The following BCL11B variants were observed in gnomAD, a reference collection of about 807,000 sequenced individuals.
BCL11B encodes the protein BCL11 transcription factor B.
A neutral mutation model predicts 49.9 loss-of-function variants in BCL11B; 8 were observed. The observed-to-expected ratio is 0.16, with a 90% CI of 0.09 to 0.29. BCL11B has a LOEUF of 0.29. Ranked by LOEUF, BCL11B falls within the 10% of genes least tolerant of loss-of-function variation. BCL11B has a pLI of 1.00. For missense variants in BCL11B, 1,006 were observed against 1,351.0 expected, an observed-to-expected ratio of 0.74 and a Z score of 4.00; for synonymous variants, 739 against 637.4, an observed-to-expected ratio of 1.16 and a Z score of -2.40.
Position 99,169,678 on chromosome 14 carries a change from C to T in BCL11B, c.*4473G>A, listed in dbSNP as rs1008787351. 9.1e-6 allele frequency: 2 copies of T among 218,592 alleles called. No homozygotes were observed. The highest frequency in any genetic ancestry group is 1.8e-5 in the Non-Finnish European group (2 of 108,606). 13.5% of individuals were successfully genotyped at this position (218,592 alleles called of 1,614,324 possible). On this transcript the variant is annotated 3_prime_UTR_variant, in exon 4 of 4. Coordinates refer to ENST00000357195, the MANE Select transcript of BCL11B (RefSeq NM_138576.4). ...TTTGCCTTGCCAGTACAAATGCAAA[C>T]AACTTAAATCAATGGGACTTTGCTT...
chr14:99,264,619 AAG>A (rs899395631), intron 1 of BCL11B: 1 of 152,152 alleles, frequency 6.6e-6, no homozygotes, highest in African/African-American at 2.4e-5. Flanking sequence ...CCACAAGAAA[AAG>A]AAAAAAGAAT....
Position 99,175,219 on chromosome 14 carries a change from C to CTCCTCCTCCTCCTCG in BCL11B, c.1602_1616dup (p.Asp534_Glu538dup). ...TCTCCAGTAGCAGCTCCTCCTCCTCCTCCTCCTCCTCCTCGTCCTCCTCCT... is the reference window on the plus strand; with the variant it reads ...TCTCCAGTAGCAGCTCCTCCTCCTCCTCCTCCTCCTCCTCGTCCTCCTCCTCCTCGTCCTCCTCCT... On this transcript the variant is annotated inframe_insertion, in exon 4 of 4. Transcript: ENST00000357195. The CTCCTCCTCCTCCTCG allele has an allele frequency of 6.4e-7, 1 of 1,550,788 alleles. No individual in the cohort carries two copies. The highest frequency in any genetic ancestry group is 8.7e-7 in the Non-Finnish European group (1 of 1,150,422).
chr14:99,247,017 G>A lies in BCL11B; in HGVS notation c.427+10454C>T, dbSNP rs1190771549. The stretch of plus-strand genomic sequence containing the variant: ...GCCCCAGAGGGCTCCGCAGCCTGGA[G>A]CCTCGCGTCCCGCCTCCCCGCAACA... On this transcript the variant is annotated intron_variant, in intron 2 of 3. Transcript: ENST00000357195. This position sits in a 1 kb window ranked among gnomAD's most constrained non-coding sequence, Gnocchi z 4.5. Among the ~76,000 whole-genome samples the A allele has an allele frequency of 1.3e-5, 2 of 152,166 alleles. No individual in the cohort carries two copies. Among genetic ancestry groups the A allele is most frequent in the Non-Finnish European group, 2.9e-5 (2 of 68,042 alleles).
At chr14:99,191,954 A>T (rs1350810261) in intron 3 of BCL11B, among the ~76,000 whole-genome samples, 1 of 152,076 alleles carries the variant, frequency 6.6e-6, no homozygotes, top group Non-Finnish European at 1.5e-5. Flanking sequence ...TGACGGGGGG[A>T]GGAGGATGAC....
rs902083333 is a variant in BCL11B at position 99,192,642 on chromosome 14, C to A, written c.641-16447G>T. The stretch of plus-strand genomic sequence containing the variant: ...GGGAAGGGACATGGCAACTTGGGAA[C>A]CACACTGGGGCTGGGGCTGTGGGCC... On this transcript the variant is annotated intron_variant, in intron 3 of 3. Coordinates refer to ENST00000357195, the MANE Select transcript of BCL11B (RefSeq NM_138576.4). This position sits in a 1 kb window ranked among gnomAD's most constrained non-coding sequence, Gnocchi z 4.0. Among the ~76,000 whole-genome samples, 1 of 152,128 alleles carries A rather than the reference C, an allele frequency of 6.6e-6. No individual in the cohort carries two copies. Among genetic ancestry groups the A allele is most frequent in the African/African-American group, 2.4e-5 (1 of 41,414 alleles).
intron 3 of BCL11B, among the ~76,000 whole-genome samples, chr14:99,191,079 G>T (rs554666048): frequency 2.4e-3 from 369 of 152,260 alleles, no homozygotes; most frequent in Non-Finnish European, 3.7e-3. Flanking sequence ...TATTCCCCCA[G>T]GCCTTTTCCA....
At chr14:99,244,626 T>C (rs1401120729) in intron 2 of BCL11B, among the ~76,000 whole-genome samples, 2 of 152,240 alleles carry the variant, frequency 1.3e-5, no homozygotes, top group African/African-American at 2.4e-5. Flanking sequence ...AAAACCTTCC[T>C]GTCCAGGACT....
Position 99,240,379 on chromosome 14 carries a change from AT to A in BCL11B, c.428-8823del, listed in dbSNP as rs201000092. Among the ~76,000 whole-genome samples, 938 of 151,926 alleles carry A rather than the reference AT, an allele frequency of 6.2e-3. 7 individuals are homozygous for A. The highest frequency in any genetic ancestry group is 0.021 in the African/African-American group (866 of 41,432). ...TGACTAAATCTCTTTTCTCCCTTTC[AT>A]TTTTTTTCCTTTTCCTAATGGACTT... On this transcript the variant is annotated intron_variant, in intron 2 of 3. Coordinates refer to ENST00000357195, the MANE Select transcript of BCL11B (RefSeq NM_138576.4).
At chr14:99,223,934 A>G (rs763313284) in intron 3 of BCL11B, among the ~76,000 whole-genome samples, 14 of 152,176 alleles carry the variant, frequency 9.2e-5, no homozygotes, top group Non-Finnish European at 1.9e-4. Flanking sequence ...TTTTTCAAAC[A>G]GAGAAAGGCG....
intron 2 of BCL11B, among the ~76,000 whole-genome samples, chr14:99,256,146 A>C (rs937905598): frequency 6.6e-6 from 1 of 152,224 alleles, no homozygotes; most frequent in African/African-American, 2.4e-5. Flanking sequence ...GGTCTTGATC[A>C]GTGCCCATGC....
At chr14:99,245,952 G>C (rs931060322) in intron 2 of BCL11B, among the ~76,000 whole-genome samples, 1 of 152,090 alleles carries the variant, frequency 6.6e-6, no homozygotes, top group Non-Finnish European at 1.5e-5. Flanking sequence ...GACGGGGGCG[G>C]GGGGGAAAGG....
chr14:99,176,083 C>T lies in BCL11B; in HGVS notation c.753G>A (p.Glu251=). 6.2e-7 allele frequency: 1 copy of T among 1,608,078 alleles called. No individual in the cohort carries two copies. The highest frequency in any genetic ancestry group is 8.5e-7 in the Non-Finnish European group (1 of 1,177,202). Residue 251 remains glutamate, a synonymous_variant, in exon 4 of 4, where the codon GAG becomes GAA. Coordinates refer to ENST00000357195, the MANE Select transcript of BCL11B (RefSeq NM_138576.4). ...TGAGCGAGCTGCTGGCCGGCCCGGG[C>T]TCCAGGTAGATGCGGAAGCCGTGCG... The part of the protein sequence containing the change: ...QNTHGFRIYL[E]PGPASSSLTP...
chr14:99,238,978 T>TATATAC (rs1888586448), intron 2 of BCL11B, among the ~76,000 whole-genome samples: 1 of 151,910 alleles, frequency 6.6e-6, no homozygotes, highest in African/African-American at 2.4e-5. Context: ...AGAGAGGTTC[T>TATATAC]ATATACATAT....
Position 99,175,943 on chromosome 14 carries a change from A to G in BCL11B, c.893T>C (p.Ile298Thr), listed in dbSNP as rs757900063. Residue 298 changes from isoleucine (I) to threonine (T), a missense_variant, in exon 4 of 4, where the codon ATC becomes ACC. Ile to Thr is a moderately conservative substitution (Grantham distance 89). Transcript: ENST00000357195. ...GCCGAAGCCCGGGTGGTCCCGCAGG[A>G]TGGGGCCCGTCATGCGCAGCAGGTT... ...PFNLLRMTGP[I>T]LRDHPGFGEG... 9 of 1,453,334 alleles carry G rather than the reference A, an allele frequency of 6.2e-6. No homozygotes were observed. The highest frequency in any genetic ancestry group is 8.2e-6 in the Non-Finnish European group (9 of 1,103,818). The allele number at this position is 1,453,334 out of a possible 1,614,324, so 90.0% of individuals were successfully genotyped here. A position where few individuals can be genotyped will look rare whatever the true frequency, so the allele number is the denominator to read the frequency against.
At position 99,231,435 on chromosome 14, in the gene BCL11B, G is replaced by T. The variant is rs1888331417; in HGVS notation, c.550C>A (p.Pro184Thr). The change falls in exon 3 of 4, where the codon CCG (proline) becomes ACG (threonine). Residue 184 changes from proline to threonine, a missense_variant. This residue lies in a region of BCL11B where 411 missense variants were observed against 542.2 expected (regional missense o/e 0.76). Transcript: ENST00000357195. This position sits in a 1 kb window ranked among gnomAD's most constrained non-coding sequence, Gnocchi z 8.1. ...GAGACCGGGCGCGCGCTGCAGCACGGCAGGGGGAGGCAGGGCGGGAGAGCG... is the reference window on the plus strand; with the variant it reads ...GAGACCGGGCGCGCGCTGCAGCACGTCAGGGGGAGGCAGGGCGGGAGAGCG... Reference protein sequence around the residue: ...LGALPPCLPLPCCSARPVSGD... With the variant: ...LGALPPCLPLTCCSARPVSGD... The T allele has an allele frequency of 6.3e-7, 1 of 1,595,612 alleles. No individual in the cohort carries two copies. The highest frequency in any genetic ancestry group is 2.3e-5 in the East Asian group (1 of 44,440).
chr14:99,238,459 AC>A (rs1218815062), intron 2 of BCL11B, among the ~76,000 whole-genome samples: 1 of 152,170 alleles, frequency 6.6e-6, no homozygotes, highest in Non-Finnish European at 1.5e-5. Flanking sequence ...CCCTTTCTGC[AC>A]CCTGACCCAA....
chr14:99,191,853 A>G (rs1387373753), intron 3 of BCL11B, among the ~76,000 whole-genome samples: 1 of 152,162 alleles, frequency 6.6e-6, no homozygotes, highest in Non-Finnish European at 1.5e-5. Flanking sequence ...GAGATGAAAA[A>G]CAAATATATA....
intron 3 of BCL11B, among the ~76,000 whole-genome samples, chr14:99,204,595 C>T (rs959742485): frequency 2.0e-5 from 3 of 152,156 alleles, no homozygotes; most frequent in Non-Finnish European, 4.4e-5. Flanking sequence ...TGCCAATGCC[C>T]GGCAGCTATT....
At position 99,257,425 on chromosome 14, in the gene BCL11B, C is replaced by A. The variant is rs1889197283; in HGVS notation, c.427+46G>T. 1.3e-6 allele frequency: 2 copies of A among 1,550,460 alleles called. No individual in the cohort carries two copies. The highest frequency in any genetic ancestry group is 1.8e-6 in the Non-Finnish European group (2 of 1,142,522). On this transcript the variant is annotated intron_variant, in intron 2 of 3. Coordinates refer to ENST00000357195, the MANE Select transcript of BCL11B (RefSeq NM_138576.4). This position sits in a 1 kb window ranked among gnomAD's most constrained non-coding sequence, Gnocchi z 6.2. ...ACACTCAGGCAGAGGGCATGGGACC[C>A]AGGAGGTGGCTTCCACAGCAACCAG...
Sources: allele counts gnomAD v4.1 joint callset (sites outside exome capture counted in the v4.1 genomes callset), GRCh38; gene constraint gnomAD v4.1.1; regional missense constraint gnomAD v4.1.1; non-coding constraint Gnocchi (gnomAD v3.1); transcripts MANE v1.5; gene names NCBI Gene and HGNC (gene_info 2026-07-23, HGNC 2026-07-21).